The following CORIN variants were observed in gnomAD, a reference collection of about 807,000 sequenced individuals.
CORIN encodes corin, serine peptidase.
CORIN carries 117 observed loss-of-function variants against 125.3 expected under a neutral mutation model. That is an observed-to-expected ratio of 0.93 (90% CI 0.80 to 1.09). The LOEUF (loss-of-function observed/expected upper bound fraction) is 1.09. Ranked by LOEUF, CORIN falls within the 50% of genes least tolerant of loss-of-function variation. CORIN has a pLI of 0.00. For missense variants in CORIN, 1,253 were observed against 1,306.7 expected (o/e 0.96, Z 0.63); for synonymous variants, 450 against 466.4 (o/e 0.96, Z 0.45).
chr4:47,678,630 C>T (rs943200089), intron 8 of CORIN, among the ~76,000 whole-genome samples: 6 of 152,210 alleles, frequency 3.9e-5, no homozygotes, highest in Non-Finnish European at 8.8e-5. Flanking sequence ...TATTTCAACA[C>T]TTGTTTATGA....
At chr4:47,636,529 C>T (rs1415327516) in intron 16 of CORIN, among the ~76,000 whole-genome samples, 1 of 152,154 alleles carries the variant, frequency 6.6e-6, no homozygotes, top group Non-Finnish European at 1.5e-5. Flanking sequence ...ACAATTCCCA[C>T]ATGTCATGGG....
intron 10 of CORIN, among the ~76,000 whole-genome samples, chr4:47,669,790 C>A (rs1388536474): frequency 6.6e-6 from 1 of 152,088 alleles, no homozygotes; most frequent in Non-Finnish European, 1.5e-5. Flanking sequence ...AGGATGGTCT[C>A]AATTTCCTGA....
Position 47,727,280 on chromosome 4 carries a change from G to A in CORIN, c.799+17122C>T, listed in dbSNP as rs536063050. Among the ~76,000 whole-genome samples, 8 of 152,114 alleles carry A rather than the reference G, an allele frequency of 5.3e-5. 1 individual carries two copies. The highest frequency in any genetic ancestry group is 2.6e-4 in the Admixed American group (4 of 15,280). On this transcript the variant is annotated intron_variant, in intron 5 of 21. Transcript: ENST00000273857. ...TATGCCCATGTGTTTAATCATATGA[G>A]TAAGTTTTCAAAGCACTACCATCTA... is the stretch of plus-strand genomic sequence containing the variant.
intron 16 of CORIN, among the ~76,000 whole-genome samples, chr4:47,627,617 T>A (rs1722633833): frequency 6.6e-6 from 1 of 152,126 alleles, no homozygotes; most frequent in African/African-American, 2.4e-5. Context: ...TTGGCCAAAA[T>A]GAATCCGGCT....
intron 5 of CORIN, among the ~76,000 whole-genome samples, chr4:47,717,406 C>A (rs1426689237): frequency 3.3e-5 from 5 of 152,146 alleles, no homozygotes; most frequent in Admixed American, 1.3e-4. Context: ...TCTCAGCTTT[C>A]ATTTCCTCTG....
chr4:47,599,237 G>A (rs916571574), intron 21 of CORIN, among the ~76,000 whole-genome samples: 1 of 152,154 alleles, frequency 6.6e-6, no homozygotes, highest in African/African-American at 2.4e-5. Context: ...GCAGAAAGGA[G>A]GGTGGTCTCA....
intron 9 of CORIN, among the ~76,000 whole-genome samples, chr4:47,675,170 C>A (rs1400368772): frequency 6.6e-6 from 1 of 152,122 alleles, no homozygotes; most frequent in Non-Finnish European, 1.5e-5. Flanking sequence ...AACTGCTTTT[C>A]CTTGATTCCC....
intron 19 of CORIN, among the ~76,000 whole-genome samples, chr4:47,610,396 A>G (rs1024573894): frequency 2.6e-5 from 4 of 151,126 alleles, no homozygotes; most frequent in African/African-American, 9.7e-5. Context: ...GGCCACATGA[A>G]TGTCTTCTTT....
chr4:47,624,836 C>A (rs1257375170), intron 17 of CORIN, among the ~76,000 whole-genome samples: 2 of 151,126 alleles, frequency 1.3e-5, no homozygotes, highest in African/African-American at 4.9e-5. Context: ...TTGGGACTTT[C>A]AAAAATACTA....
intron 4 of CORIN, among the ~76,000 whole-genome samples, chr4:47,751,633 T>C (rs541357453): frequency 1.5e-3 from 227 of 152,272 alleles, no homozygotes; most frequent in Non-Finnish European, 2.8e-3. Flanking sequence ...CTAGTAGCCT[T>C]CCCTAATAAT....
At chr4:47,673,539 GA>G (rs1724867597) in intron 10 of CORIN, among the ~76,000 whole-genome samples, 1 of 152,118 alleles carries the variant, frequency 6.6e-6, no homozygotes, top group African/African-American at 2.4e-5. Context: ...ATCATTACTA[GA>G]AATCAGTCGC....
At chr4:47,793,239 C>T (rs1000014477) in intron 2 of CORIN, among the ~76,000 whole-genome samples, 21 of 152,130 alleles carry the variant, frequency 1.4e-4, no homozygotes, top group African/African-American at 4.8e-4. Flanking sequence ...CTGTCTGTCC[C>T]ATGCATCTAT....
intron 1 of CORIN, among the ~76,000 whole-genome samples, chr4:47,823,653 C>T (rs1283405328): frequency 6.6e-6 from 1 of 152,222 alleles, no homozygotes; most frequent in African/African-American, 2.4e-5. Context: ...TCACAGAGGT[C>T]CAGATCTACT....
intron 19 of CORIN, among the ~76,000 whole-genome samples, chr4:47,606,548 C>A (rs922445561): frequency 1.3e-5 from 2 of 152,152 alleles, no homozygotes; most frequent in African/African-American, 4.8e-5. Flanking sequence ...GCCACCAAGC[C>A]CAGCCCAGAA....
chr4:47,775,819 T>C (rs1044407980), intron 3 of CORIN, among the ~76,000 whole-genome samples: 3 of 152,202 alleles, frequency 2.0e-5, no homozygotes. Context: ...AACTCTAGAA[T>C]AAGCTAGAGA....
chr4:47,667,041 G>A (rs1724512917), intron 10 of CORIN, among the ~76,000 whole-genome samples: 1 of 152,232 alleles, frequency 6.6e-6, no homozygotes, highest in African/African-American at 2.4e-5. Context: ...GAGGGAGCCA[G>A]TGGGAGATCA....
chr4:47,598,217 G>A (rs1477445594), intron 21 of CORIN, among the ~76,000 whole-genome samples: 1 of 152,104 alleles, frequency 6.6e-6, no homozygotes, highest in Admixed American at 6.6e-5. Context: ...AGTAACTCAC[G>A]CTTCATTATG....
chr4:47,763,637 G>T lies in CORIN; in HGVS notation c.410-51C>A, dbSNP rs756648546. On this transcript the variant is annotated intron_variant, in intron 3 of 21. Transcript: ENST00000273857. ...AAGAGTGGACACATCAGAAGTATAT[G>T]TTTGCAAACTCATTTAATATTTGTT... 5.5e-6 allele frequency: 8 copies of T among 1,459,266 alleles called. No individual in the cohort carries two copies. In the Admixed American group the frequency reaches 1.2e-4, roughly 22 times the overall value. 90.4% of individuals were successfully genotyped at this position (1,459,266 alleles called of 1,614,324 possible).
intron 6 of CORIN, among the ~76,000 whole-genome samples, chr4:47,688,341 G>A (rs115458540): frequency 5.9e-5 from 9 of 152,186 alleles, no homozygotes; most frequent in East Asian, 3.9e-4. Context: ...GGTTCACGCC[G>A]GTAATCCTAG....
Sources: allele counts gnomAD v4.1 joint callset (sites outside exome capture counted in the v4.1 genomes callset), GRCh38; gene constraint gnomAD v4.1.1; transcripts MANE v1.5; gene names NCBI Gene and HGNC (gene_info 2026-07-23, HGNC 2026-07-21).